The following TRAPPC9 variants were observed in gnomAD, a reference collection of about 807,000 sequenced individuals.
TRAPPC9 encodes trafficking protein particle complex subunit 9.
Under a neutral mutation model 124.0 loss-of-function variants are expected in TRAPPC9, and 83 were observed. That is an observed-to-expected ratio of 0.67 (90% CI 0.56 to 0.80). TRAPPC9 has a LOEUF of 0.80. Among genes scored for constraint, TRAPPC9 ranks in the 30% least tolerant of loss-of-function variants. The pLI, the probability that TRAPPC9 is intolerant of heterozygous loss-of-function variation, is 0.00. For missense variants in TRAPPC9, 1,302 were observed against 1,508.3 expected (o/e 0.86, Z 2.27); for synonymous variants, 638 against 617.5 (o/e 1.03, Z -0.49).
Position 139,944,048 on chromosome 8 carries a change from T to A in TRAPPC9, c.2811-33748A>T, listed in dbSNP as rs79020011. On this transcript the variant is annotated intron_variant, in intron 19 of 22. Transcript: ENST00000438773. ...TAATTTGGTGAAAAACATAAATGTATAATCTTAAGAACTTTGGCAAAACCC... is the reference window on the plus strand; with the variant it reads ...TAATTTGGTGAAAAACATAAATGTAAAATCTTAAGAACTTTGGCAAAACCC... Among the ~76,000 whole-genome samples, 948 of 152,282 alleles carry A rather than the reference T, an allele frequency of 6.2e-3. 3 individuals are homozygous for A. The highest frequency in any genetic ancestry group is 0.011 in the Non-Finnish European group (719 of 68,030).
chr8:140,269,329 C>G (rs1324858181), intron 15 of TRAPPC9, among the ~76,000 whole-genome samples: 1 of 151,824 alleles, frequency 6.6e-6, no homozygotes, highest in Admixed American at 6.6e-5. Context: ...ATCACGAGGT[C>G]AGGAGATCAA....
intron 17 of TRAPPC9, among the ~76,000 whole-genome samples, chr8:140,218,205 G>A (rs2063247611): frequency 6.6e-6 from 1 of 152,098 alleles, no homozygotes; most frequent in African/African-American, 2.4e-5. Context: ...CACCTAAGAT[G>A]TTAGTAGGCC....
In TRAPPC9 at chr8:140,283,883, C is replaced by G; in HGVS notation, c.2114+6G>C. 6.2e-7 allele frequency: 1 copy of G among 1,613,838 alleles called. No homozygotes were observed. The highest frequency in any genetic ancestry group is 8.5e-7 in the Non-Finnish European group (1 of 1,179,976). On this transcript the variant is annotated splice_donor_region_variant and intron_variant, in intron 14 of 22. Coordinates refer to ENST00000438773, the MANE Select transcript of TRAPPC9 (RefSeq NM_001160372.4). ...CACTCTGCTCTGTGACCCTCGTGCA[C>G]ACTACCTGGGCAGAGAGGTGCTGAT... is the stretch of plus-strand genomic sequence containing the variant.
intron 21 of TRAPPC9, among the ~76,000 whole-genome samples, chr8:139,820,854 T>A (rs915007298): frequency 1.3e-5 from 2 of 152,340 alleles, no homozygotes; most frequent in Non-Finnish European, 2.9e-5. Context: ...AAAACAAGGA[T>A]CTATCTTATT....
At chr8:140,193,686 G>A (rs991734966) in intron 17 of TRAPPC9, among the ~76,000 whole-genome samples, 12 of 149,880 alleles carry the variant, frequency 8.0e-5, no homozygotes, top group Non-Finnish European at 1.3e-4. Flanking sequence ...AAAGTCCACT[G>A]GAAAGGCTGA....
intron 21 of TRAPPC9, among the ~76,000 whole-genome samples, chr8:139,732,851 AGGCAGGGAGCT>A (rs1817931505): frequency 6.7e-6 from 1 of 149,676 alleles, no homozygotes; most frequent in Non-Finnish European, 1.5e-5. Flanking sequence ...GGACCCTGCC[AGGCAGGGAGCT>A]GGTCCTGGGC....
At chr8:140,017,173 A>AT (rs767950690) in intron 18 of TRAPPC9, among the ~76,000 whole-genome samples, 3 of 152,194 alleles carry the variant, frequency 2.0e-5, no homozygotes, top group Non-Finnish European at 2.9e-5. Flanking sequence ...ATATGTTACA[A>AT]TTTTTTTATC....
At chr8:140,418,769 GA>G (rs1435840274) in intron 5 of TRAPPC9, among the ~76,000 whole-genome samples, 2 of 149,948 alleles carry the variant, frequency 1.3e-5, no homozygotes, top group African/African-American at 2.5e-5. Flanking sequence ...TAGATAGATA[GA>G]TAGACAGACA....
At chr8:140,399,761 T>C (rs1489085665) in intron 6 of TRAPPC9, among the ~76,000 whole-genome samples, 2 of 152,132 alleles carry the variant, frequency 1.3e-5, no homozygotes, top group Admixed American at 6.5e-5. Context: ...AGTTAAAACT[T>C]TGGGGAACTG....
At chr8:139,895,504 G>T (rs371263959) in intron 20 of TRAPPC9, among the ~76,000 whole-genome samples, 6 of 152,224 alleles carry the variant, frequency 3.9e-5, no homozygotes, top group African/African-American at 1.4e-4. Flanking sequence ...GAAAAGGGAA[G>T]ATGGGAATGT....
At chr8:140,205,508 T>C (rs1272268305) in intron 17 of TRAPPC9, among the ~76,000 whole-genome samples, 2 of 152,220 alleles carry the variant, frequency 1.3e-5, no homozygotes, top group African/African-American at 4.8e-5. Flanking sequence ...TTAAGAACTT[T>C]AACTTAAATA....
intron 19 of TRAPPC9, among the ~76,000 whole-genome samples, chr8:139,963,749 CAAAAAAAAAAAAA>C (rs58224556): frequency 0.43 from 46,162 of 107,830 alleles, 8,737 homozygotes; most frequent in Admixed American, 0.51. Flanking sequence ...CCAGTTCTAC[CAAAAAAAAAAAAA>C]AAAAAAAAAA....
intron 21 of TRAPPC9, among the ~76,000 whole-genome samples, chr8:139,779,551 G>C (rs1821637245): frequency 6.6e-6 from 1 of 152,134 alleles, no homozygotes; most frequent in African/African-American, 2.4e-5. Flanking sequence ...GACGACAATA[G>C]TATTAAAGCC....
chr8:140,351,439 T>C (rs1253171066), intron 9 of TRAPPC9, among the ~76,000 whole-genome samples: 1 of 151,866 alleles, frequency 6.6e-6, no homozygotes, highest in African/African-American at 2.4e-5. Context: ...GCATTTACAT[T>C]GTATGAAGTG....
chr8:139,926,606 A>AT (rs1255694432), intron 19 of TRAPPC9, among the ~76,000 whole-genome samples: 7 of 123,228 alleles, frequency 5.7e-5, no homozygotes, highest in Admixed American at 1.5e-4. Flanking sequence ...ATGAATTAAA[A>AT]TAAAAAAAAA....
At chr8:139,797,946 C>T (rs759363396) in intron 21 of TRAPPC9, among the ~76,000 whole-genome samples, 8 of 152,172 alleles carry the variant, frequency 5.3e-5, no homozygotes, top group Non-Finnish European at 8.8e-5. Flanking sequence ...TGTCCAACTT[C>T]GTTCTTCTTT....
intron 17 of TRAPPC9, among the ~76,000 whole-genome samples, chr8:140,193,622 GAA>G (rs72383095): frequency 0.34 from 25,853 of 76,806 alleles, 1,838 homozygotes; most frequent in Middle Eastern, 0.4. Flanking sequence ...TGTACTTTCA[GAA>G]AAAAAAAAAA....
chr8:140,026,734 A>G (rs1293652435), intron 17 of TRAPPC9, among the ~76,000 whole-genome samples: 2 of 152,198 alleles, frequency 1.3e-5, no homozygotes, highest in African/African-American at 2.4e-5. Context: ...ATGACTACAT[A>G]TTGACAGGTT....
Position 140,335,406 on chromosome 8 carries a change from C to G in TRAPPC9, c.1496-24032G>C, listed in dbSNP as rs141066846. Among the ~76,000 whole-genome samples, 162 of 152,238 alleles carry G rather than the reference C, an allele frequency of 1.1e-3. 3 individuals carry two copies. Among genetic ancestry groups the G allele is most frequent in the African/African-American group, 3.8e-3 (157 of 41,508 alleles). Reference sequence around the variant, plus strand: ...GGCATTCCAGGCAATTAATAGGATACAGGATAAGTATGACAACTTGGGGAT... The same window carrying G: ...GGCATTCCAGGCAATTAATAGGATAGAGGATAAGTATGACAACTTGGGGAT... On this transcript the variant is annotated intron_variant, in intron 9 of 22. Transcript: ENST00000438773.
Sources: gnomAD v4.1 joint callset for allele counts (sites outside exome capture counted in the v4.1 genomes callset) on GRCh38, gnomAD v4.1.1 for gene constraint, MANE v1.5 for transcripts, NCBI Gene and HGNC (gene_info 2026-07-23, HGNC 2026-07-21) for gene names.